Variants in CDH13 observed in about 807,000 individuals in gnomAD.
CDH13 encodes cadherin 13, also known as cadherin-13.
In CDH13, 24 loss-of-function variants were observed where a neutral mutation model predicts 63.8. The observed-to-expected ratio is 0.38, with a 90% CI of 0.27 to 0.53. The LOEUF (loss-of-function observed/expected upper bound fraction) is 0.53. CDH13 is among the 20% of genes least tolerant of loss of function. CDH13 has a pLI of 0.85. For synonymous variants in CDH13, 503 were observed against 355.3 expected (o/e 1.42, Z -4.67); for missense variants, 1,049 against 903.1 (o/e 1.16, Z -2.07).
At chr16:83,302,861 T>G (rs1435291481) in intron 5 of CDH13, among the ~76,000 whole-genome samples, 1 of 152,204 alleles carries the variant, frequency 6.6e-6, no homozygotes, top group Admixed American at 6.5e-5. Flanking sequence ...CTCAGACTGA[T>G]CTAAACTTCA....
chr16:83,123,803 A>G (rs1016919099), intron 3 of CDH13, among the ~76,000 whole-genome samples: 5 of 152,100 alleles, frequency 3.3e-5, no homozygotes, highest in African/African-American at 1.2e-4. Context: ...TAGAGTTTGC[A>G]CTAATTTACA....
intron 2 of CDH13, among the ~76,000 whole-genome samples, chr16:83,027,187 A>G (rs772851144): frequency 6.8e-6 from 1 of 146,308 alleles, no homozygotes; most frequent in Non-Finnish European, 1.5e-5. Flanking sequence ...GCAAAGTGGA[A>G]TTATTACTGA....
intron 3 of CDH13, among the ~76,000 whole-genome samples, chr16:83,094,739 G>A (rs753065274): frequency 6.6e-6 from 1 of 152,170 alleles, no homozygotes; most frequent in Admixed American, 6.5e-5. Context: ...AGTAACAACT[G>A]TCTTCCCCTG....
At chr16:82,636,140 C>G (rs1320138803) in intron 1 of CDH13, among the ~76,000 whole-genome samples, 1 of 152,070 alleles carries the variant, frequency 6.6e-6, no homozygotes, top group Non-Finnish European at 1.5e-5. Flanking sequence ...ACTTGACAGG[C>G]TTTGATGGTG....
intron 4 of CDH13, among the ~76,000 whole-genome samples, chr16:83,133,305 G>A (rs529073267): frequency 6.6e-5 from 10 of 152,186 alleles, no homozygotes; most frequent in South Asian, 2.1e-4. Flanking sequence ...CTTATCACAC[G>A]AACACAAAAA....
intron 7 of CDH13, among the ~76,000 whole-genome samples, chr16:83,514,910 C>A (rs1048525737): frequency 4.6e-5 from 7 of 152,004 alleles, no homozygotes; most frequent in African/African-American, 1.7e-4. Flanking sequence ...TGTTTTGAGC[C>A]CCTCCGGTTT....
chr16:83,004,129 T>G (rs1913226673), intron 2 of CDH13, among the ~76,000 whole-genome samples: 1 of 152,242 alleles, frequency 6.6e-6, no homozygotes, highest in African/African-American at 2.4e-5. Flanking sequence ...TGTAGAATAC[T>G]GAGTCCGACC....
At position 83,202,358 on chromosome 16, in the gene CDH13, C is replaced by G. The variant is rs142906353; in HGVS notation, c.484-14987C>G. 7.4e-3 allele frequency among the ~76,000 whole-genome samples: 1,123 copies of G among 152,156 alleles called. 8 individuals are homozygous for G. Among genetic ancestry groups the G allele is most frequent in the Middle Eastern group, 0.02 (6 of 294 alleles). On this transcript the variant is annotated intron_variant, in intron 4 of 13. Transcript: ENST00000567109. ...GCTGAAGACAGAGGCAGGGATATGG[C>G]TATAAAGAGCCTTGCTTTCCTGAGG...
chr16:83,508,115 A>G lies in CDH13; in HGVS notation c.960+21460A>G, dbSNP rs62042276. On this transcript the variant is annotated intron_variant, in intron 7 of 13. Transcript: ENST00000567109. Reference sequence around the variant, plus strand: ...AGGAAGGAAAGAAGGAAGGAAAAGGAAGGAAGGGAGGAAGGAAAGGGAAGG... The same window carrying G: ...AGGAAGGAAAGAAGGAAGGAAAAGGGAGGAAGGGAGGAAGGAAAGGGAAGG... Among the ~76,000 whole-genome samples the G allele has an allele frequency of 4.4e-3, 263 of 60,004 alleles. 10 individuals are homozygous for G. The highest frequency in any genetic ancestry group is 7.6e-3 in the South Asian group (8 of 1,056). 39.4% of individuals were successfully genotyped at this position (60,004 alleles called of 152,430 possible).
At chr16:83,010,850 G>A (rs773079863) in intron 2 of CDH13, among the ~76,000 whole-genome samples, 11 of 152,188 alleles carry the variant, frequency 7.2e-5, no homozygotes, top group Admixed American at 5.9e-4. Flanking sequence ...GTTGGTTGTA[G>A]CAAACAGCTC....
chr16:82,661,599 G>C (rs947777108), intron 1 of CDH13, among the ~76,000 whole-genome samples: 4 of 152,196 alleles, frequency 2.6e-5, no homozygotes, highest in African/African-American at 4.8e-5. Context: ...GTTTATTTCA[G>C]GGAGCCTGTG....
chr16:83,376,121 C>A (rs2091455529), intron 6 of CDH13, among the ~76,000 whole-genome samples: 1 of 152,138 alleles, frequency 6.6e-6, no homozygotes, highest in South Asian at 2.1e-4. Context: ...CAGGTGATAG[C>A]AAACAAAAAT....
intron 5 of CDH13, among the ~76,000 whole-genome samples, chr16:83,252,407 G>A (rs1013213437): frequency 1.1e-4 from 17 of 151,770 alleles, no homozygotes; most frequent in Non-Finnish European, 7.4e-5. Flanking sequence ...GAATGCAAAT[G>A]GGGAAAATAA....
Position 83,626,176 on chromosome 16 carries a change from C to G in CDH13, c.1101+23582C>G, listed in dbSNP as rs1391042421. On this transcript the variant is annotated intron_variant, in intron 8 of 13. Coordinates refer to ENST00000567109, the MANE Select transcript of CDH13 (RefSeq NM_001257.5). ...CACAAGTTTGCTTCTTATTCCTGAG[C>G]TTTTTAAATTTCTTCAGCTGATTTT... Among the ~76,000 whole-genome samples, 6 of 152,212 alleles carry G rather than the reference C, an allele frequency of 3.9e-5. No individual in the cohort carries two copies. The East Asian group carries it at 1.2e-3, about 29-fold the overall frequency.
intron 5 of CDH13, among the ~76,000 whole-genome samples, chr16:83,229,971 G>C (rs1456286316): frequency 6.6e-6 from 1 of 152,128 alleles, no homozygotes; most frequent in Non-Finnish European, 1.5e-5. Flanking sequence ...GTCAGTGTTT[G>C]ACAATAAGAT....
At chr16:83,100,816 C>T (rs2034438705) in intron 3 of CDH13, among the ~76,000 whole-genome samples, 1 of 152,220 alleles carries the variant, frequency 6.6e-6, no homozygotes, top group East Asian at 1.9e-4. Context: ...GGTTGCAGAA[C>T]ACAGGGTAAA....
chr16:83,525,921 A>G (rs2074949468), intron 7 of CDH13, among the ~76,000 whole-genome samples: 1 of 152,216 alleles, frequency 6.6e-6, no homozygotes. Context: ...GGGCAGTCCC[A>G]AGAAGCTGGA....
At chr16:83,461,108 C>T (rs756582559) in intron 6 of CDH13, among the ~76,000 whole-genome samples, 12 of 151,872 alleles carry the variant, frequency 7.9e-5, no homozygotes, top group South Asian at 2.1e-4. Context: ...GCAGTGGTAT[C>T]GTAATGTGAT....
At position 83,783,285 on chromosome 16, in the gene CDH13, T is replaced by C. The variant is rs1477009892; in HGVS notation, c.1947T>C (p.Asn649=). 2.5e-6 allele frequency: 4 copies of C among 1,613,946 alleles called. No individual in the cohort carries two copies. The highest frequency in any genetic ancestry group is 3.4e-6 in the Non-Finnish European group (4 of 1,179,856). Residue 649 remains asparagine (N), a synonymous_variant, in exon 13 of 14, where the codon AAT becomes AAC. Coordinates refer to ENST00000567109, the MANE Select transcript of CDH13 (RefSeq NM_001257.5). ...NTHALVSLLQ[N]LNKANYNLPI... ...ACGCCCTGGTAAGCCTTCTTCAAAATCTGAACAAAGCAAACTACAACCTGC... is the reference window on the plus strand; with the variant it reads ...ACGCCCTGGTAAGCCTTCTTCAAAACCTGAACAAAGCAAACTACAACCTGC...
Sources: gnomAD v4.1 joint callset for allele counts (sites outside exome capture counted in the v4.1 genomes callset) on GRCh38, gnomAD v4.1.1 for gene constraint, MANE v1.5 for transcripts, NCBI Gene and HGNC (gene_info 2026-07-23, HGNC 2026-07-21) for gene names.